The following RABGAP1L variants were observed in gnomAD, a reference collection of about 807,000 sequenced individuals.
RABGAP1L encodes the protein rab GTPase-activating protein 1-like.
In RABGAP1L, 63 loss-of-function variants were observed where a neutral mutation model predicts 137.7. The ratio of observed to expected loss-of-function variants is 0.46; its 90% CI spans 0.37 to 0.56. RABGAP1L has a LOEUF of 0.56. RABGAP1L is among the 20% of genes least tolerant of loss of function. The pLI, the probability that RABGAP1L is intolerant of heterozygous loss-of-function variation, is 0.00. For missense variants in RABGAP1L, 1,095 were observed against 1,244.0 expected, an observed-to-expected ratio of 0.88 and a Z score of 1.80; for synonymous variants, 431 against 433.7, an observed-to-expected ratio of 0.99 and a Z score of 0.08.
intron 19 of RABGAP1L, among the ~76,000 whole-genome samples, chr1:174,941,756 C>T (rs1193710753): frequency 6.6e-6 from 1 of 152,168 alleles, no homozygotes; most frequent in Non-Finnish European, 1.5e-5. Context: ...CAAAACCTCC[C>T]TCCAGGACGA....
intron 14 of RABGAP1L, among the ~76,000 whole-genome samples, chr1:174,641,844 A>T (rs542003748): frequency 6.6e-6 from 1 of 152,256 alleles, no homozygotes; most frequent in East Asian, 1.9e-4. Context: ...GACATATAAC[A>T]CATAAATGCA....
chr1:174,628,102 TG>T (rs1673054194), intron 13 of RABGAP1L, among the ~76,000 whole-genome samples: 1 of 152,198 alleles, frequency 6.6e-6, no homozygotes, highest in African/African-American at 2.4e-5. Flanking sequence ...CTTTATTGTG[TG>T]GGTTACATGC....
chr1:174,871,956 G>A (rs1477028913), intron 19 of RABGAP1L, among the ~76,000 whole-genome samples: 3 of 152,076 alleles, frequency 2.0e-5, no homozygotes, highest in Non-Finnish European at 4.4e-5. Flanking sequence ...ATGTGATGGC[G>A]GTGGATTTTA....
At chr1:174,546,099 G>T (rs918698283) in intron 13 of RABGAP1L, among the ~76,000 whole-genome samples, 1 of 152,098 alleles carries the variant, frequency 6.6e-6, no homozygotes, top group Admixed American at 6.6e-5. Context: ...AACTCCTTTA[G>T]ACTCTTGAAT....
rs143295519 is a variant in RABGAP1L at position 174,451,832 on chromosome 1, T to C, written c.1710+57687T>C. On this transcript the variant is annotated intron_variant, in intron 13 of 25. Coordinates refer to ENST00000681986, the MANE Select transcript of RABGAP1L (RefSeq NM_001366446.1). Reference sequence around the variant, plus strand: ...TAAGCTCAAACTTACCAGTTTAGTCTATAATCAAACTGAAATTGTTGATAT... The same window carrying C: ...TAAGCTCAAACTTACCAGTTTAGTCCATAATCAAACTGAAATTGTTGATAT... 1.1e-3 allele frequency among the ~76,000 whole-genome samples: 174 copies of C among 152,332 alleles called. 1 individual carries two copies. The highest frequency in any genetic ancestry group is 3.9e-3 in the African/African-American group (162 of 41,574).
rs372282160 is a variant in RABGAP1L at position 174,987,328 on chromosome 1, A to G, written c.2806-1313A>G. On this transcript the variant is annotated intron_variant, in intron 24 of 25. Transcript: ENST00000681986. ...ACTATAGGTGCCCGCCACCATGCCCAGCTAATTTTTGTATTTTTACTAGAG... is the reference window on the plus strand; with the variant it reads ...ACTATAGGTGCCCGCCACCATGCCCGGCTAATTTTTGTATTTTTACTAGAG... 3.3e-3 allele frequency among the ~76,000 whole-genome samples: 495 copies of G among 152,120 alleles called. 4 individuals carry two copies. Among genetic ancestry groups the G allele is most frequent in the African/African-American group, 0.011 (470 of 41,490 alleles).
At chr1:174,352,992 G>T (rs1407982624) in intron 11 of RABGAP1L, among the ~76,000 whole-genome samples, 1 of 152,138 alleles carries the variant, frequency 6.6e-6, no homozygotes, top group Admixed American at 6.5e-5. Context: ...AACCATTTCT[G>T]TGGCCACCAC....
intron 14 of RABGAP1L, among the ~76,000 whole-genome samples, chr1:174,660,962 A>T (rs1280892911): frequency 6.6e-6 from 1 of 152,184 alleles, no homozygotes; most frequent in Admixed American, 6.5e-5. Context: ...AAAATAAGCT[A>T]TATGAGAGCA....
intron 12 of RABGAP1L, among the ~76,000 whole-genome samples, chr1:174,391,314 ATTT>A (rs1169445808): frequency 1.3e-5 from 2 of 151,968 alleles, no homozygotes; most frequent in African/African-American, 4.8e-5. Context: ...TGAAGAAAGG[ATTT>A]TTTTCAATGT....
At chr1:174,259,595 T>C (rs61828591) in intron 7 of RABGAP1L, among the ~76,000 whole-genome samples, 13,641 of 152,242 alleles carry the variant, frequency 0.09, 829 homozygotes, top group East Asian at 0.22. Context: ...TAACTGCACA[T>C]TGCACCAATA....
intron 3 of RABGAP1L, among the ~76,000 whole-genome samples, chr1:174,224,867 T>G (rs983595429): frequency 2.0e-5 from 3 of 152,222 alleles, no homozygotes; most frequent in Admixed American, 2.0e-4. Context: ...TATTTTTCTT[T>G]GCTTTCAGTA....
rs71117580 is a variant in RABGAP1L at position 174,833,466 on chromosome 1, A to ATATATATATATATATATATATACAT, written c.2340+21508_2340+21509insTATATATATATATATATATACATTA. Among the ~76,000 whole-genome samples the ATATATATATATATATATATATACAT allele has an allele frequency of 3.1e-4, 19 of 61,166 alleles. 1 individual carries two copies. In the East Asian group the frequency reaches 7.4e-3, roughly 24 times the overall value. 40.1% of individuals were successfully genotyped at this position (61,166 alleles called of 152,430 possible). A position where few individuals can be genotyped will look rare whatever the true frequency, so the allele number is the denominator to read the frequency against. Reference sequence around the variant, plus strand: ...TGTGTAGAGATATATATATATATATATAGTAGAGACAGGGTTCTGTCATGT... The same window carrying ATATATATATATATATATATATACAT: ...TGTGTAGAGATATATATATATATATATATATATATATATATATATATACATTAGTAGAGACAGGGTTCTGTCATGT... On this transcript the variant is annotated intron_variant, in intron 19 of 25. Coordinates refer to ENST00000681986, the MANE Select transcript of RABGAP1L (RefSeq NM_001366446.1).
At chr1:174,417,389 C>A (rs1338948399) in intron 13 of RABGAP1L, among the ~76,000 whole-genome samples, 1 of 152,196 alleles carries the variant, frequency 6.6e-6, no homozygotes, top group Non-Finnish European at 1.5e-5. Flanking sequence ...AACTTCATGG[C>A]ACGCTTAGCC....
chr1:174,233,491 C>G (rs908493526), intron 4 of RABGAP1L, among the ~76,000 whole-genome samples: 4 of 138,574 alleles, frequency 2.9e-5, no homozygotes, highest in African/African-American at 9.6e-5. Flanking sequence ...GTTCACTTCC[C>G]ACCTATGAGT....
chr1:174,404,711 A>G (rs2149111609), intron 13 of RABGAP1L, among the ~76,000 whole-genome samples: 1 of 152,326 alleles, frequency 6.6e-6, no homozygotes, highest in African/African-American at 2.4e-5. Flanking sequence ...CTGAAAAAAT[A>G]TCGATTGACT....
chr1:174,841,150 A>G (rs987400259), intron 19 of RABGAP1L, among the ~76,000 whole-genome samples: 2 of 152,188 alleles, frequency 1.3e-5, no homozygotes, highest in African/African-American at 4.8e-5. Flanking sequence ...AAATAAAATA[A>G]TGAAGTCAAT....
rs115293899 is a variant in RABGAP1L at position 174,300,568 on chromosome 1, G to A, written c.1324-4418G>A. ...AAAAAAGTGAGGTGCCAGGGAACAC[G>A]GTTTTGAAACTGAAGTTTGATTTTG... is the stretch of plus-strand genomic sequence containing the variant. On this transcript the variant is annotated intron_variant, in intron 10 of 25. Coordinates refer to ENST00000681986, the MANE Select transcript of RABGAP1L (RefSeq NM_001366446.1). 3.5e-3 allele frequency among the ~76,000 whole-genome samples: 532 copies of A among 149,904 alleles called. 4 individuals carry two copies. Among genetic ancestry groups the A allele is most frequent in the African/African-American group, 0.012 (501 of 40,428 alleles).
At chr1:174,925,810 A>G in intron 19 of RABGAP1L, among the ~76,000 whole-genome samples, 1 of 143,220 alleles carries the variant, frequency 7.0e-6, no homozygotes. Context: ...TGAGATAGAG[A>G]ACCTGATTTT....
chr1:174,952,142 A>C (rs1179300886), intron 19 of RABGAP1L, among the ~76,000 whole-genome samples: 1 of 151,748 alleles, frequency 6.6e-6, no homozygotes, highest in Non-Finnish European at 1.5e-5. Context: ...GTTGAAAAGC[A>C]CTCCTAAATA....
Sources: allele counts gnomAD v4.1 joint callset (sites outside exome capture counted in the v4.1 genomes callset), GRCh38; gene constraint gnomAD v4.1.1; transcripts MANE v1.5; gene names NCBI Gene and HGNC (gene_info 2026-07-23, HGNC 2026-07-21).